Variants in KLF12 observed in about 807,000 individuals in gnomAD.
KLF12 encodes KLF transcription factor 12, also known as Krueppel-like factor 12.
Under a neutral mutation model 37.8 loss-of-function variants are expected in KLF12, and 9 were observed. That is an observed-to-expected ratio of 0.24 (90% confidence interval 0.14 to 0.42). The LOEUF is 0.42. Ranked by LOEUF, KLF12 falls within the 10% of genes least tolerant of loss-of-function variation. The probability of loss-of-function intolerance (pLI) is 1.00; values close to 1 mark genes in which losing one functional copy is unlikely to be tolerated. For missense variants in KLF12, 411 were observed against 516.0 expected (o/e 0.80, Z 1.97); for synonymous variants, 208 against 202.1 (o/e 1.03, Z -0.25).
chr13:74,235,842 A>C, the KLF12 span, among the ~76,000 whole-genome samples: 1 of 152,112 alleles, frequency 6.6e-6, no homozygotes, highest in East Asian at 1.9e-4. Flanking sequence ...ATCTTAATGG[A>C]GGATCAGCAG....
At chr13:73,925,587 C>T (rs750180231) in intron 3 of KLF12, among the ~76,000 whole-genome samples, 4 of 152,202 alleles carry the variant, frequency 2.6e-5, no homozygotes, top group Non-Finnish European at 5.9e-5. Context: ...TATTTGCTAA[C>T]ACATCCATTC....
the KLF12 span, among the ~76,000 whole-genome samples, chr13:74,219,664 T>A: frequency 2.6e-5 from 4 of 152,228 alleles, no homozygotes; most frequent in African/African-American, 7.2e-5. Context: ...GTCTTATTAC[T>A]TTCTTTCTAA....
At chr13:73,913,860 T>A (rs962716689) in intron 3 of KLF12, among the ~76,000 whole-genome samples, 3 of 152,224 alleles carry the variant, frequency 2.0e-5, no homozygotes. Flanking sequence ...TTTCTAAACA[T>A]GGTGATACAA....
At chr13:74,134,959 C>A (rs1297550982), upstream of KLF12, among the ~76,000 whole-genome samples, 1 of 151,728 alleles carries the variant, frequency 6.6e-6, no homozygotes, top group Non-Finnish European at 1.5e-5. Flanking sequence ...GACTGTGGGG[C>A]AGCTCGCGGG....
intron 1 of KLF12, among the ~76,000 whole-genome samples, chr13:74,092,149 T>C (rs901070273): frequency 1.3e-4 from 19 of 150,990 alleles, no homozygotes; most frequent in African/African-American, 3.7e-4. Flanking sequence ...AAGAAAAAAT[T>C]AGCTGGGTGT....
At chr13:73,879,255 T>C (rs1055711532) in intron 3 of KLF12, among the ~76,000 whole-genome samples, 4 of 152,176 alleles carry the variant, frequency 2.6e-5, no homozygotes, top group Non-Finnish European at 5.9e-5. Context: ...AAAGTGCCGG[T>C]TCTTCTTTTC....
At chr13:73,903,313 C>A (rs1888119828) in intron 3 of KLF12, among the ~76,000 whole-genome samples, 1 of 152,014 alleles carries the variant, frequency 6.6e-6, no homozygotes, top group South Asian at 2.1e-4. Context: ...CTAAAATTAA[C>A]CACCGAGTCT....
chr13:73,932,715 T>C (rs1889744207), intron 3 of KLF12, among the ~76,000 whole-genome samples: 1 of 152,182 alleles, frequency 6.6e-6, no homozygotes, highest in African/African-American at 2.4e-5. Flanking sequence ...ACATATCTTA[T>C]GTAGTAAAAT....
chr13:74,116,823 G>A (rs1877330960), intron 1 of KLF12, among the ~76,000 whole-genome samples: 1 of 152,068 alleles, frequency 6.6e-6, no homozygotes. Context: ...AAATAATGCT[G>A]GCAATATAAT....
chr13:74,249,428 G>T, the KLF12 span, among the ~76,000 whole-genome samples: 1 of 151,150 alleles, frequency 6.6e-6, no homozygotes, highest in South Asian at 2.1e-4. Flanking sequence ...AGAATTCAGA[G>T]CTGGGCCCCG....
intron 7 of KLF12, among the ~76,000 whole-genome samples, chr13:73,711,654 C>T (rs1157820044): frequency 6.6e-6 from 1 of 152,220 alleles, no homozygotes; most frequent in African/African-American, 2.4e-5. Context: ...TGCTCACTGA[C>T]AATGCACCTG....
intron 2 of KLF12, among the ~76,000 whole-genome samples, chr13:73,987,376 G>A (rs1891850828): frequency 1.3e-5 from 2 of 151,998 alleles, no homozygotes; most frequent in Non-Finnish European, 2.9e-5. Context: ...TTACTATGCT[G>A]CTTTAACACT....
chr13:74,184,975 TGATTTGAGGCAAAC>T, the KLF12 span, among the ~76,000 whole-genome samples: 6 of 152,328 alleles, frequency 3.9e-5, no homozygotes, highest in African/African-American at 1.4e-4. Context: ...TTTTACACAG[TGATTTGAGGCAAAC>T]ACTTTACCTC....
chr13:73,697,549 G>A (rs1874235962), intron 7 of KLF12, among the ~76,000 whole-genome samples: 1 of 152,076 alleles, frequency 6.6e-6, no homozygotes, highest in African/African-American at 2.4e-5. Context: ...CTACTATATA[G>A]TATTATCTAC....
chr13:73,698,877 G>A (rs1874337436), intron 7 of KLF12, among the ~76,000 whole-genome samples: 1 of 152,036 alleles, frequency 6.6e-6, no homozygotes, highest in South Asian at 2.1e-4. Flanking sequence ...TATTGAATTG[G>A]GATTATATAT....
At chr13:74,102,775 T>C (rs903131521) in intron 1 of KLF12, among the ~76,000 whole-genome samples, 9 of 151,968 alleles carry the variant, frequency 5.9e-5, no homozygotes, top group African/African-American at 2.2e-4. Context: ...ACTTAAAAAC[T>C]GTGGAGGACA....
intron 1 of KLF12, among the ~76,000 whole-genome samples, chr13:74,025,180 C>T (rs1321280194): frequency 6.6e-6 from 1 of 152,190 alleles, no homozygotes; most frequent in South Asian, 2.1e-4. Flanking sequence ...ATCTCTATCA[C>T]TTGCCTTTGC....
rs533540212 is a variant in KLF12 at position 73,845,925 on chromosome 13, T to G, written c.572A>C (p.Gln191Pro). The G allele has an allele frequency of 1.5e-5, 25 of 1,614,062 alleles. No homozygotes were observed. The highest frequency in any genetic ancestry group is 2.0e-5 in the Non-Finnish European group (24 of 1,179,998). ...AGCTGTGTAGACAACAGGCACCGAC[T>G]GTACCACCACGGGGATGCGGTGAAC... Residue 191 changes from glutamine (Q) to proline (P), a missense_variant, in exon 4 of 8, where the codon CAG (glutamine) becomes CCG (proline). By Grantham distance (76) the Gln-to-Pro change is moderately conservative. This residue lies in a region of KLF12 where 351 missense variants were observed against 397.8 expected (regional missense o/e 0.88). Coordinates refer to ENST00000377669, the MANE Select transcript of KLF12 (RefSeq NM_007249.5).
intron 5 of KLF12, among the ~76,000 whole-genome samples, chr13:73,797,834 C>T (rs551311492): frequency 1.5e-4 from 22 of 149,496 alleles, no homozygotes; most frequent in African/African-American, 2.7e-4. Context: ...TTATTGTTAT[C>T]GTTACTTGCT....
Sources: gnomAD v4.1 joint callset for allele counts (sites outside exome capture counted in the v4.1 genomes callset) on GRCh38, gnomAD v4.1.1 for gene constraint, gnomAD v4.1.1 regional missense constraint, MANE v1.5 for transcripts, NCBI Gene and HGNC (gene_info 2026-07-23, HGNC 2026-07-21) for gene names.